The following LMBRD1 variants were observed in gnomAD, a reference collection of about 807,000 sequenced individuals.
The protein encoded by LMBRD1 is lysosomal cobalamin transport escort protein LMBD1.
LMBRD1 carries 64 observed loss-of-function variants against 74.8 expected under a neutral mutation model. The observed-to-expected ratio is 0.86, with a 90% CI of 0.70 to 1.05. LMBRD1 has a LOEUF of 1.05. LMBRD1 is among the 50% of genes least tolerant of loss of function. LMBRD1 has a pLI of 0.00. For missense variants in LMBRD1, 652 were observed against 645.9 expected (o/e 1.01, Z -0.10); for synonymous variants, 204 against 216.3 (o/e 0.94, Z 0.50).
chr6:69,699,269 G>C, intron 12 of LMBRD1, 77 bp from the exon 13 acceptor site: 1 of 1,285,628 alleles, frequency 7.8e-7, no homozygotes, highest in African/African-American at 1.5e-5. Flanking sequence ...TGTGTTATGG[G>C]AAATGATTTA....
chr6:69,700,754 T>C lies in LMBRD1; in HGVS notation c.1188+11A>G. ...TGATGAGAAAAAAATAATACTGTAA[T>C]ATATACTTACTCTAATCCAAAAGAA... On this transcript the variant is annotated intron_variant, in intron 12 of 15. Coordinates refer to ENST00000649934, the MANE Select transcript of LMBRD1 (RefSeq NM_018368.4). The C allele has an allele frequency of 6.8e-7, 1 of 1,468,014 alleles. No individual in the cohort carries two copies. Among genetic ancestry groups the C allele is most frequent in the Non-Finnish European group, 9.2e-7 (1 of 1,083,448 alleles). The allele number at this position is 1,468,014 out of a possible 1,614,324, so 90.9% of individuals were successfully genotyped here.
chr6:69,782,044 T>C (rs1044107010), intron 2 of LMBRD1, among the ~76,000 whole-genome samples: 1 of 152,168 alleles, frequency 6.6e-6, no homozygotes, highest in African/African-American at 2.4e-5. Flanking sequence ...ATTGGCAAAA[T>C]TTAAAACAAT....
chr6:69,753,578 T>A (rs1181820740), intron 3 of LMBRD1, among the ~76,000 whole-genome samples: 1 of 152,238 alleles, frequency 6.6e-6, no homozygotes, highest in East Asian at 1.9e-4. Flanking sequence ...GCAATTCTAC[T>A]TCCAGGTGTA....
At chr6:69,757,774 C>T (rs919664751) in intron 3 of LMBRD1, among the ~76,000 whole-genome samples, 2 of 152,170 alleles carry the variant, frequency 1.3e-5, no homozygotes, top group African/African-American at 4.8e-5. Flanking sequence ...AAAGTTATGA[C>T]ACTCTCATAT....
At position 69,675,434 on chromosome 6, in the gene LMBRD1, G is replaced by A. The variant is rs1214995826; in HGVS notation, c.*724C>T. 1.4e-5 allele frequency among the ~76,000 whole-genome samples: 2 copies of A among 145,320 alleles called. No homozygotes were observed. The highest frequency in any genetic ancestry group is 2.9e-5 in the Non-Finnish European group (2 of 67,914). On this transcript the variant is annotated 3_prime_UTR_variant, in exon 16 of 16. Transcript: ENST00000649934. ...TATATCTTAAATTAATCCATAAACTGATTTTTTTTTCCAGGATTAATTATT... is the reference window on the plus strand; with the variant it reads ...TATATCTTAAATTAATCCATAAACTAATTTTTTTTTCCAGGATTAATTATT...
intron 14 of LMBRD1, among the ~76,000 whole-genome samples, chr6:69,692,411 C>A (rs143810350): frequency 6.6e-6 from 1 of 152,038 alleles, no homozygotes; most frequent in Non-Finnish European, 1.5e-5. Context: ...AATAAGACAA[C>A]ACAAGTTTAC....
At chr6:69,713,921 T>A in intron 8 of LMBRD1, 124 bp from the exon 9 acceptor site, 1 of 981,892 alleles carries the variant, frequency 1.0e-6, no homozygotes. Flanking sequence ...ATTTACAAAC[T>A]AAAAAAAACC....
At chr6:69,694,148 C>T (rs1765946072) in intron 14 of LMBRD1, among the ~76,000 whole-genome samples, 1 of 151,994 alleles carries the variant, frequency 6.6e-6, no homozygotes, top group Non-Finnish European at 1.5e-5. Context: ...GTCTTATTGA[C>T]CTACAATATA....
intron 1 of LMBRD1, among the ~76,000 whole-genome samples, chr6:69,795,368 G>A (rs779407091): frequency 8.6e-5 from 13 of 152,008 alleles, no homozygotes; most frequent in Admixed American, 6.6e-4. Context: ...TTTATTTATA[G>A]TCACACTTTG....
intron 5 of LMBRD1, among the ~76,000 whole-genome samples, chr6:69,743,345 C>T (rs1315956722): frequency 2.0e-5 from 3 of 152,074 alleles, no homozygotes; most frequent in African/African-American, 4.8e-5. Flanking sequence ...GGGTTTAATA[C>T]GCAATATTCT....
intron 2 of LMBRD1, among the ~76,000 whole-genome samples, chr6:69,788,603 CTA>C (rs10560473): frequency 0.36 from 54,095 of 151,826 alleles, 10,268 homozygotes; most frequent in East Asian, 0.54. Context: ...ATTTAATTAT[CTA>C]TGTCTAACAG....
At chr6:69,741,997 G>A (rs1159323652) in intron 5 of LMBRD1, 120 bp from the exon 6 acceptor site, 7 of 623,104 alleles carry the variant, frequency 1.1e-5, no homozygotes, top group Non-Finnish European at 1.9e-5. Context: ...ACTATGCACA[G>A]AGGGGAGTGA....
rs1047400936 is a variant in LMBRD1 at position 69,744,842 on chromosome 6, G to A, written c.474-2965C>T. 1.1e-4 allele frequency among the ~76,000 whole-genome samples: 16 copies of A among 151,732 alleles called. No homozygotes were observed. In the East Asian group the frequency reaches 3.1e-3, roughly 29 times the overall value. Reference sequence around the variant, plus strand: ...CTTGCAATACATCCTTCACAGTGCTGTAACTCTTTTTTTTTTTTTAAGACG... The same window carrying A: ...CTTGCAATACATCCTTCACAGTGCTATAACTCTTTTTTTTTTTTTAAGACG... On this transcript the variant is annotated intron_variant, in intron 5 of 15. Transcript: ENST00000649934.
chr6:69,740,598 A>C (rs2149870707), intron 6 of LMBRD1, among the ~76,000 whole-genome samples: 1 of 152,266 alleles, frequency 6.6e-6, no homozygotes, highest in East Asian at 1.9e-4. Context: ...ACAACATGAG[A>C]TCTTAAGTGG....
intron 6 of LMBRD1, among the ~76,000 whole-genome samples, chr6:69,740,454 T>G (rs555803627): frequency 1.3e-5 from 2 of 152,304 alleles, no homozygotes; most frequent in South Asian, 2.1e-4. Context: ...AGGAGTTAAC[T>G]CCAAGAAAAG....
intron 9 of LMBRD1, 47 bp downstream of exon 9, chr6:69,713,598 T>C (rs761527079): frequency 1.3e-5 from 20 of 1,598,264 alleles, no homozygotes; most frequent in Non-Finnish European, 1.7e-5. Context: ...AGGTACTACA[T>C]AAACTTGGGG....
intron 4 of LMBRD1, among the ~76,000 whole-genome samples, chr6:69,750,550 T>C (rs1267180957): frequency 1.3e-5 from 2 of 152,112 alleles, no homozygotes; most frequent in Admixed American, 1.3e-4. Context: ...AAAAATCATC[T>C]TTTAAAATCT....
chr6:69,720,409 C>CA (rs926378270), intron 7 of LMBRD1, among the ~76,000 whole-genome samples: 9 of 151,942 alleles, frequency 5.9e-5, no homozygotes, highest in African/African-American at 1.9e-4. Context: ...CCTTTTATCC[C>CA]AAAAAAGGAC....
At chr6:69,695,132 C>T (rs1454009147) in intron 14 of LMBRD1, among the ~76,000 whole-genome samples, 2 of 152,020 alleles carry the variant, frequency 1.3e-5, no homozygotes, top group South Asian at 2.1e-4. Context: ...GATATTAATA[C>T]CATATTGCGC....
Sources: gnomAD v4.1 joint callset for allele counts (sites outside exome capture counted in the v4.1 genomes callset) on GRCh38, gnomAD v4.1.1 for gene constraint, MANE v1.5 for transcripts, NCBI Gene and HGNC (gene_info 2026-07-23, HGNC 2026-07-21) for gene names.